PLS3: variants seen among roughly 807,000 people sequenced by gnomAD.
PLS3 encodes the protein plastin-3.
A neutral mutation model predicts 46.5 loss-of-function variants in PLS3; 11 were observed. The observed-to-expected ratio is 0.24, with a 90% CI of 0.15 to 0.39. The LOEUF is 0.39. Among genes scored for constraint, PLS3 ranks in the 10% least tolerant of loss-of-function variants. The pLI, the probability that PLS3 is intolerant of heterozygous loss-of-function variation, is 1.00. For synonymous variants in PLS3, 167 were observed against 162.2 expected, an observed-to-expected ratio of 1.03 and a Z score of -0.22; for missense variants, 308 against 461.8, an observed-to-expected ratio of 0.67 and a Z score of 3.05.
At chrX:115,596,580 T>A (rs2074391151) in intron 1 of PLS3, among the ~76,000 whole-genome samples, 1 of 111,921 alleles carries the variant, frequency 8.9e-6, no homozygotes, top group African/African-American at 3.2e-5. Context: ...CTCATGCCTG[T>A]AATCCCAACA....
chrX:115,578,889 C>T (rs2074264879), intron 1 of PLS3, among the ~76,000 whole-genome samples: 1 of 110,264 alleles, frequency 9.1e-6, no homozygotes. Flanking sequence ...TAAGAAATGG[C>T]ACAAAGAGAT....
chrX:115,622,443 A>C (rs782567681), intron 3 of PLS3, 34 bp downstream of exon 3: 1 of 966,082 alleles, frequency 1.0e-6, no homozygotes, highest in African/African-American at 1.9e-5. Flanking sequence ...TATTAGAAGT[A>C]GTAGATGTTC....
intron 1 of PLS3, among the ~76,000 whole-genome samples, chrX:115,588,671 A>C (rs147488810): frequency 0.012 from 1,278 of 111,061 alleles, 24 homozygotes; most frequent in African/African-American, 0.04. Flanking sequence ...GGAACTGCTG[A>C]GTTGGGTTTT....
intron 10 of PLS3, among the ~76,000 whole-genome samples, chrX:115,644,629 A>AATAG (rs1475139314): frequency 1.8e-5 from 2 of 110,058 alleles, no homozygotes; most frequent in Non-Finnish European, 3.8e-5. Context: ...TAAATAAATA[A>AATAG]ATAATGCAAA....
At chrX:115,566,513 C>A (rs1024468145) in intron 1 of PLS3, among the ~76,000 whole-genome samples, 1 of 107,725 alleles carries the variant, frequency 9.3e-6, no homozygotes, top group Non-Finnish European at 1.9e-5. Flanking sequence ...CTCAGCCTCC[C>A]GAGTAGCTGG....
chrX:115,630,878 TA>T (rs1556639270), intron 5 of PLS3, among the ~76,000 whole-genome samples: 13 of 95,478 alleles, frequency 1.4e-4, no homozygotes, highest in African/African-American at 5.0e-4. Flanking sequence ...TGTATATATG[TA>T]TATATATGTA....
chrX:115,576,102 T>C (rs782417928), intron 1 of PLS3, among the ~76,000 whole-genome samples: 1 of 112,090 alleles, frequency 8.9e-6, no homozygotes, highest in African/African-American at 3.2e-5. Flanking sequence ...TAGAACAAAA[T>C]TCAAAACTCA....
chrX:115,581,173 A>G (rs1002419616), intron 1 of PLS3, among the ~76,000 whole-genome samples: 5 of 112,171 alleles, frequency 4.5e-5, no homozygotes, highest in African/African-American at 1.3e-4. Context: ...AAGACCAACC[A>G]TTAGATTTAT....
rs1556641972 is a variant in PLS3, at chrX:115,647,853, A to G, written c.1636-40A>G. ...TATAAGTAAGCACATGTTAATTTGT[A>G]TGTATCAAAATTCTCAGATTTGTTC... On this transcript the variant is annotated intron_variant, in intron 14 of 15. Transcript: ENST00000355899. 5 of 1,194,050 alleles carry G rather than the reference A, an allele frequency of 4.2e-6. No individual in the cohort carries two copies. The South Asian group carries it at 5.5e-5, about 13-fold the overall frequency.
chrX:115,630,713 A>G (rs1022803875), intron 5 of PLS3, among the ~76,000 whole-genome samples: 36 of 98,310 alleles, frequency 3.7e-4, no homozygotes, highest in African/African-American at 1.3e-3. Flanking sequence ...GTATATATAT[A>G]CATATATAAA....
At chrX:115,581,512 G>A (rs1556631811) in intron 1 of PLS3, among the ~76,000 whole-genome samples, 1 of 111,679 alleles carries the variant, frequency 9.0e-6, no homozygotes, top group Non-Finnish European at 1.9e-5. Context: ...AAAAAAAGAG[G>A]GAGGCTATCA....
intron 1 of PLS3, among the ~76,000 whole-genome samples, chrX:115,571,258 G>A (rs782203214): frequency 8.7e-4 from 97 of 111,280 alleles, no homozygotes; most frequent in Admixed American, 5.1e-3. Flanking sequence ...TGGTTTACGC[G>A]TGTAATCCCA....
intron 1 of PLS3, among the ~76,000 whole-genome samples, chrX:115,596,880 C>G (rs373892025): frequency 9.2e-6 from 1 of 108,287 alleles, no homozygotes; most frequent in East Asian, 2.9e-4. Flanking sequence ...TGCGGTGGCT[C>G]ACTCCTGTAA....
rs1556642364 is a variant in PLS3 at position 115,650,356 on chromosome X, T to C, written c.*795T>C. ...TGGTTCAATACATGCTTATTTGTTT[T>C]AAAACCTGTATCATCAAACTCTCTC... On this transcript the variant is annotated 3_prime_UTR_variant, in exon 16 of 16. Coordinates refer to ENST00000355899, the MANE Select transcript of PLS3 (RefSeq NM_005032.7). 1 of 112,214 alleles carries C rather than the reference T, an allele frequency of 8.9e-6. No homozygotes were observed. Among genetic ancestry groups the C allele is most frequent in the Non-Finnish European group, 1.9e-5 (1 of 53,206 alleles). The allele number at this position is 112,214 out of a possible 1,213,427, so 9.2% of individuals were successfully genotyped here. A position where few individuals can be genotyped will look rare whatever the true frequency, so the allele number is the denominator to read the frequency against.
At chrX:115,570,882 G>A (rs73224828) in intron 1 of PLS3, among the ~76,000 whole-genome samples, 2 of 100,218 alleles carry the variant, frequency 2.0e-5, no homozygotes, top group Non-Finnish European at 4.0e-5. Flanking sequence ...CCTGTTTATC[G>A]TTTAATTTAT....
intron 2 of PLS3, among the ~76,000 whole-genome samples, chrX:115,619,584 C>T (rs2074629259): frequency 8.9e-6 from 1 of 112,717 alleles, no homozygotes; most frequent in Admixed American, 9.4e-5. Context: ...TGATGTATGA[C>T]CTTTTATAAA....
intron 1 of PLS3, among the ~76,000 whole-genome samples, chrX:115,581,533 G>T (rs1198023089): frequency 3.6e-5 from 4 of 111,774 alleles, no homozygotes; most frequent in African/African-American, 1.3e-4. Flanking sequence ...AACTGATTAG[G>T]ACTGAAGAAG....
intron 3 of PLS3, among the ~76,000 whole-genome samples, 159 bp from the exon 4 acceptor site, chrX:115,629,039 A>G (rs1322162790): frequency 1.8e-5 from 2 of 111,812 alleles, no homozygotes; most frequent in Non-Finnish European, 3.8e-5. Flanking sequence ...GTATTGTAGT[A>G]CTTGTTTAGC....
chrX:115,646,161 C>T lies in PLS3; in HGVS notation c.1352C>T (p.Pro451Leu). The T allele has an allele frequency of 8.7e-7, 1 of 1,154,970 alleles. No individual in the cohort carries two copies. Among genetic ancestry groups the T allele is most frequent in the African/African-American group, 1.8e-5 (1 of 56,505 alleles). The stretch of plus-strand genomic sequence containing the variant: ...AGTAAGGTTAATAAACCTCCATACC[C>T]GAAACTGGGAGCCAACATGAAAAAG... ...DWSKVNKPPY[P>L]KLGANMKKLE... Residue 451 changes from proline to leucine, a missense_variant, in exon 12 of 16, where the codon CCG becomes CTG. Pro to Leu is a moderately conservative substitution (Grantham distance 98, BLOSUM62 -3). Transcript: ENST00000355899.
Sources: gnomAD v4.1 joint callset for allele counts (sites outside exome capture counted in the v4.1 genomes callset) on GRCh38, gnomAD v4.1.1 for gene constraint, MANE v1.5 for transcripts, NCBI Gene and HGNC (gene_info 2026-07-23, HGNC 2026-07-21) for gene names.